The following SLC4A5 variants were observed in gnomAD, a reference collection of about 807,000 sequenced individuals.
The protein encoded by SLC4A5 is solute carrier family 4 member 5, also known as electrogenic sodium bicarbonate cotransporter 4.
In SLC4A5, 96 loss-of-function variants were observed where a neutral mutation model predicts 120.4. The ratio of observed to expected loss-of-function variants is 0.80; its 90% CI spans 0.68 to 0.94. The LOEUF (loss-of-function observed/expected upper bound fraction) is 0.94. Ranked by LOEUF, SLC4A5 falls within the 40% of genes least tolerant of loss-of-function variation. The pLI, the probability that SLC4A5 is intolerant of heterozygous loss-of-function variation, is 0.00. For synonymous variants in SLC4A5, 550 were observed against 571.1 expected, an observed-to-expected ratio of 0.96 and a Z score of 0.53; for missense variants, 1,259 against 1,459.5, an observed-to-expected ratio of 0.86 and a Z score of 2.24.
At chr2:74,248,565 C>A in intron 17 of SLC4A5, 79 bp from the exon 18 acceptor site, 1 of 1,528,842 alleles carries the variant, frequency 6.5e-7, no homozygotes, top group Non-Finnish European at 8.9e-7. Flanking sequence ...CCAGCGATCT[C>A]TCCACGGGCC....
intron 19 of SLC4A5, among the ~76,000 whole-genome samples, chr2:74,243,126 G>A (rs1670498873): frequency 6.6e-6 from 1 of 152,158 alleles, no homozygotes; most frequent in Non-Finnish European, 1.5e-5. Context: ...TTCCTTGCTG[G>A]GTACTTCCCT....
chr2:74,265,700 G>C (rs1162942951), intron 8 of SLC4A5, among the ~76,000 whole-genome samples: 5 of 152,166 alleles, frequency 3.3e-5, no homozygotes, highest in Admixed American at 2.0e-4. Context: ...GTTCAGTGTG[G>C]TTTGCTGGGA....
chr2:74,241,159 A>G (rs1390678743), intron 20 of SLC4A5, among the ~76,000 whole-genome samples: 1 of 152,144 alleles, frequency 6.6e-6, no homozygotes, highest in Non-Finnish European at 1.5e-5. Flanking sequence ...GGAAGAAGGC[A>G]GAAAAATGAA....
intron 8 of SLC4A5, among the ~76,000 whole-genome samples, chr2:74,283,728 T>C (rs551708514): frequency 1.3e-5 from 2 of 152,308 alleles, no homozygotes; most frequent in East Asian, 3.9e-4. Flanking sequence ...AACTTGGGCA[T>C]AATTGCCCCC....
chr2:74,270,546 G>A (rs530154119), intron 8 of SLC4A5, among the ~76,000 whole-genome samples: 4 of 152,300 alleles, frequency 2.6e-5, no homozygotes, highest in African/African-American at 7.2e-5. Flanking sequence ...GGTGGCAGGC[G>A]CTTGTAGTCC....
At chr2:74,286,703 G>A (rs1443642299) in intron 7 of SLC4A5, among the ~76,000 whole-genome samples, 1 of 152,142 alleles carries the variant, frequency 6.6e-6, no homozygotes, top group Non-Finnish European at 1.5e-5. Flanking sequence ...ATCATAAGTT[G>A]TCTAAAATAA....
intron 13 of SLC4A5, 121 bp from the exon 14 acceptor site, chr2:74,254,827 T>C: frequency 1.3e-6 from 1 of 757,826 alleles, no homozygotes; most frequent in South Asian, 1.7e-5. Flanking sequence ...ATTTTTTTTT[T>C]TTTTTTGAGA....
rs200994213 is a variant in SLC4A5, at chr2:74,259,583, A to C, written c.867+5T>G. On this transcript the variant is annotated splice_donor_5th_base_variant and intron_variant, in intron 12 of 30. Transcript: ENST00000394019. ...CATTGCAGCTAAGTGCAGGGGTTTTACTACCTGGTCTGTGTTTGGGGTGAG... is the reference window on the plus strand; with the variant it reads ...CATTGCAGCTAAGTGCAGGGGTTTTCCTACCTGGTCTGTGTTTGGGGTGAG... The C allele has an allele frequency of 4.7e-5, 76 of 1,614,162 alleles. No homozygotes were observed. The highest frequency in any genetic ancestry group is 6.2e-5 in the Non-Finnish European group (73 of 1,179,992).
At chr2:74,244,809 C>T (rs183377308) in intron 19 of SLC4A5, among the ~76,000 whole-genome samples, 2 of 152,246 alleles carry the variant, frequency 1.3e-5, no homozygotes, top group Non-Finnish European at 2.9e-5. Context: ...AACAAGTTCC[C>T]TGATGCTGCT....
At chr2:74,285,818 G>A (rs140831450) in exon 8 of SLC4A5, 1 of 1,612,646 alleles carries the variant, frequency 6.2e-7, no homozygotes, top group Non-Finnish European at 8.5e-7. Context: ...ATGCTGCAGA[G>A]TATCCATCTC....
intron 8 of SLC4A5, among the ~76,000 whole-genome samples, chr2:74,280,895 C>T (rs187014872): frequency 1.3e-5 from 2 of 152,208 alleles, no homozygotes; most frequent in Admixed American, 6.5e-5. Context: ...CTATATTGGC[C>T]AGGCTGGTCT....
chr2:74,335,766 C>T (rs536782371), intron 3 of SLC4A5, among the ~76,000 whole-genome samples: 10 of 152,288 alleles, frequency 6.6e-5, no homozygotes, highest in Non-Finnish European at 1.3e-4. Context: ...GAAATAAACT[C>T]GCCTAGAAAT....
At chr2:74,254,753 G>C in intron 13 of SLC4A5, 47 bp from the exon 14 acceptor site, 6 of 1,355,994 alleles carry the variant, frequency 4.4e-6, no homozygotes, top group Non-Finnish European at 6.3e-6. Flanking sequence ...AGGAAGAGGA[G>C]CATGAAAGTG....
At chr2:74,271,904 C>T (rs1359364149) in intron 8 of SLC4A5, among the ~76,000 whole-genome samples, 5 of 151,892 alleles carry the variant, frequency 3.3e-5, no homozygotes, top group Non-Finnish European at 5.9e-5. Flanking sequence ...AGAAACAAAG[C>T]AAGACTCCAC....
At chr2:74,260,628 A>C (rs1053938379) in intron 11 of SLC4A5, among the ~76,000 whole-genome samples, 1 of 152,082 alleles carries the variant, frequency 6.6e-6, no homozygotes, top group African/African-American at 2.4e-5. Context: ...ACAGAAATCT[A>C]GGAGCAGCCT....
intron 15 of SLC4A5, among the ~76,000 whole-genome samples, chr2:74,252,772 G>C (rs577708788): frequency 4.6e-5 from 7 of 152,216 alleles, no homozygotes; most frequent in Non-Finnish European, 1.0e-4. Context: ...TTGTTTTGTA[G>C]AGACAAGATC....
intron 8 of SLC4A5, among the ~76,000 whole-genome samples, chr2:74,265,513 A>T (rs904559162): frequency 1.3e-5 from 2 of 152,244 alleles, no homozygotes. Flanking sequence ...TCTGGGAGTG[A>T]TGGAAATGTT....
chr2:74,282,689 TAGTC>T (rs1558893631), intron 8 of SLC4A5, among the ~76,000 whole-genome samples: 2 of 152,212 alleles, frequency 1.3e-5, no homozygotes, highest in African/African-American at 2.4e-5. Context: ...CCTTTGGTGA[TAGTC>T]AGGTCTCTGG....
At position 74,255,673 on chromosome 2, in the gene SLC4A5, A is replaced by G; in HGVS notation, c.1025+102T>C. 1.5e-6 allele frequency: 2 copies of G among 1,348,164 alleles called. No homozygotes were observed. The highest frequency in any genetic ancestry group is 2.4e-5 in the East Asian group (1 of 41,874). The allele number at this position is 1,348,164 out of a possible 1,614,324, so 83.5% of individuals were successfully genotyped here. On this transcript the variant is annotated intron_variant, in intron 13 of 30. Coordinates refer to ENST00000394019, the Ensembl canonical transcript of SLC4A5. This position sits in a 1 kb window ranked among gnomAD's most constrained non-coding sequence, Gnocchi z 4.0. ...CCTTCCCAGCAGCCTCCACGTTTAG[A>G]GGTGCCTTTGAGAACACTAACAGTC...
Sources: allele counts gnomAD v4.1 joint callset (sites outside exome capture counted in the v4.1 genomes callset), GRCh38; gene constraint gnomAD v4.1.1; non-coding constraint Gnocchi (gnomAD v3.1); transcripts MANE v1.5; gene names NCBI Gene and HGNC (gene_info 2026-07-23, HGNC 2026-07-21).